DENND1B: variants seen among roughly 807,000 people sequenced by gnomAD.
DENND1B encodes the protein DENN domain containing 1B.
DENND1B carries 59 observed loss-of-function variants against 90.1 expected under a neutral mutation model. That is an observed-to-expected ratio of 0.65 (90% CI 0.53 to 0.81). The LOEUF (loss-of-function observed/expected upper bound fraction) is 0.81, where lower values mean the gene tolerates loss of function less well. DENND1B is among the 40% of genes least tolerant of loss of function. DENND1B has a pLI of 0.00. For synonymous variants in DENND1B, 337 were observed against 324.6 expected, an observed-to-expected ratio of 1.04 and a Z score of -0.41; for missense variants, 862 against 912.6, an observed-to-expected ratio of 0.94 and a Z score of 0.71.
chr1:197,686,724 T>TA (rs1657271913), intron 3 of DENND1B, among the ~76,000 whole-genome samples: 1 of 151,906 alleles, frequency 6.6e-6, no homozygotes, highest in Non-Finnish European at 1.5e-5. Context: ...TCTGTCTCTT[T>TA]TTTTTTTTTT....
chr1:197,750,126 C>T (rs1426534759), intron 2 of DENND1B, among the ~76,000 whole-genome samples: 5 of 152,128 alleles, frequency 3.3e-5, no homozygotes, highest in African/African-American at 9.7e-5. Flanking sequence ...AGACTATAGG[C>T]GTGAGCCACC....
intron 7 of DENND1B, among the ~76,000 whole-genome samples, chr1:197,647,579 G>C (rs976782805): frequency 1.3e-4 from 20 of 152,172 alleles, no homozygotes; most frequent in African/African-American, 4.8e-4. Flanking sequence ...TACTTTAGGA[G>C]TCTGTTATTG....
At chr1:197,662,556 T>C (rs1188051271) in intron 5 of DENND1B, among the ~76,000 whole-genome samples, 1 of 152,012 alleles carries the variant, frequency 6.6e-6, no homozygotes, top group Non-Finnish European at 1.5e-5. Flanking sequence ...TATTTCTATA[T>C]AGCGAGCCTT....
intron 2 of DENND1B, among the ~76,000 whole-genome samples, chr1:197,761,648 A>G (rs1655070373): frequency 6.6e-6 from 1 of 152,188 alleles, no homozygotes; most frequent in Admixed American, 6.5e-5. Flanking sequence ...TCTAATTAAT[A>G]GTAAATTTGT....
At chr1:197,582,028 A>T (rs1194975289) in intron 15 of DENND1B, among the ~76,000 whole-genome samples, 1 of 152,140 alleles carries the variant, frequency 6.6e-6, no homozygotes, top group African/African-American at 2.4e-5. Context: ...CTCTAGGGAC[A>T]AAAAGCTCCA....
intron 3 of DENND1B, among the ~76,000 whole-genome samples, chr1:197,674,969 A>G (rs1655907108): frequency 6.6e-6 from 1 of 152,184 alleles, no homozygotes; most frequent in Non-Finnish European, 1.5e-5. Flanking sequence ...ATAATAAAAT[A>G]CAAATAATTA....
chr1:197,639,433 G>A (rs1488015077), intron 10 of DENND1B, among the ~76,000 whole-genome samples: 1 of 152,088 alleles, frequency 6.6e-6, no homozygotes, highest in Non-Finnish European at 1.5e-5. Flanking sequence ...ATTCTCTAAT[G>A]AGAGTGTCAC....
chr1:197,646,379 T>C (rs950165108), intron 8 of DENND1B, among the ~76,000 whole-genome samples: 1 of 151,984 alleles, frequency 6.6e-6, no homozygotes, highest in African/African-American at 2.4e-5. Context: ...GCTTCTATAA[T>C]GTTCAAAGAA....
chr1:197,613,575 AT>A (rs1238205954), intron 11 of DENND1B, among the ~76,000 whole-genome samples: 1 of 150,848 alleles, frequency 6.6e-6, no homozygotes, highest in Non-Finnish European at 1.5e-5. Flanking sequence ...GGAGGAACAA[AT>A]GTGTACTGTT....
chr1:197,715,005 T>G (rs1660507208), intron 3 of DENND1B, 26 bp downstream of exon 3: 2 of 1,583,828 alleles, frequency 1.3e-6, no homozygotes, highest in Non-Finnish European at 1.7e-6. Context: ...AACTTTAAAT[T>G]TTTTAAAAAA....
chr1:197,598,207 A>G (rs1451365880), intron 13 of DENND1B, among the ~76,000 whole-genome samples: 1 of 151,802 alleles, frequency 6.6e-6, no homozygotes, highest in Non-Finnish European at 1.5e-5. Context: ...ATTACATAAA[A>G]ATAATTTTTC....
chr1:197,636,756 G>C (rs1572148807), intron 10 of DENND1B, among the ~76,000 whole-genome samples: 1 of 152,154 alleles, frequency 6.6e-6, no homozygotes, highest in East Asian at 1.9e-4. Flanking sequence ...GTGGGAAGTA[G>C]TAACTGCTGA....
intron 2 of DENND1B, among the ~76,000 whole-genome samples, chr1:197,751,882 G>A (rs1571616679): frequency 6.8e-6 from 1 of 146,016 alleles, no homozygotes; most frequent in African/African-American, 2.5e-5. Context: ...GGAGGAGGAG[G>A]AGGAGGGAGG....
chr1:197,586,398 T>C (rs1186930920), intron 14 of DENND1B, among the ~76,000 whole-genome samples: 2 of 152,208 alleles, frequency 1.3e-5, no homozygotes, highest in Non-Finnish European at 2.9e-5. Flanking sequence ...TTTTTTCAGT[T>C]TTAATTTCTA....
intron 14 of DENND1B, among the ~76,000 whole-genome samples, chr1:197,583,823 G>C (rs1427844865): frequency 6.6e-6 from 1 of 152,124 alleles, no homozygotes; most frequent in Non-Finnish European, 1.5e-5. Context: ...CAAGCGTCTT[G>C]TGGTAGCTCT....
At chr1:197,713,878 TTA>T (rs1370245918) in intron 3 of DENND1B, among the ~76,000 whole-genome samples, 22 of 486 alleles carry the variant, frequency 0.045, no homozygotes, top group Non-Finnish European at 0.069. Context: ...ATAACTATTG[TTA>T]TATATAATAT....
chr1:197,773,948 T>C (rs753020860), intron 1 of DENND1B, among the ~76,000 whole-genome samples: 2 of 151,988 alleles, frequency 1.3e-5, no homozygotes, highest in Non-Finnish European at 2.9e-5. Context: ...GCTCTGACTT[T>C]AAAAAAAAGC....
intron 16 of DENND1B, chr1:197,552,127 G>T (rs372039688): frequency 6.8e-6 from 5 of 732,130 alleles, no homozygotes; most frequent in African/African-American, 3.8e-5. Flanking sequence ...GTCTTTTCAT[G>T]TGTCATTTCT....
chr1:197,706,914 T>A (rs1336384352), intron 3 of DENND1B, among the ~76,000 whole-genome samples: 1 of 152,028 alleles, frequency 6.6e-6, no homozygotes, highest in African/African-American at 2.4e-5. Flanking sequence ...GATCCAGCAA[T>A]CCCACTACTG....
Sources: gnomAD v4.1 joint callset for allele counts (sites outside exome capture counted in the v4.1 genomes callset) on GRCh38, gnomAD v4.1.1 for gene constraint, MANE v1.5 for transcripts, NCBI Gene and HGNC (gene_info 2026-07-23, HGNC 2026-07-21) for gene names.